The following ARHGAP35 variants were observed in gnomAD, a reference collection of about 807,000 sequenced individuals.
ARHGAP35 encodes Rho GTPase activating protein 35, also known as rho GTPase-activating protein 35.
ARHGAP35 carries 15 observed loss-of-function variants against 111.1 expected under a neutral mutation model. That is an observed-to-expected ratio of 0.13 (90% CI 0.09 to 0.21). ARHGAP35 has a LOEUF of 0.21. Ranked by LOEUF, ARHGAP35 falls within the 10% of genes least tolerant of loss-of-function variation. The pLI, the probability that ARHGAP35 is intolerant of heterozygous loss-of-function variation, is 1.00. For synonymous variants in ARHGAP35, 643 were observed against 710.3 expected (o/e 0.91, Z 1.51); for missense variants, 1,262 against 1,873.0 (o/e 0.67, Z 6.02).
At chr19:46,906,169 A>C (rs2056106731) in intron 1 of ARHGAP35, among the ~76,000 whole-genome samples, 1 of 151,810 alleles carries the variant, frequency 6.6e-6, no homozygotes, top group Non-Finnish European at 1.5e-5. Context: ...ATAAAAATTA[A>C]AAAAATTAGG....
chr19:46,977,063 C>A (rs1291629528), intron 3 of ARHGAP35, among the ~76,000 whole-genome samples: 1 of 152,224 alleles, frequency 6.6e-6, no homozygotes, highest in Non-Finnish European at 1.5e-5. Context: ...ACATCTAAGA[C>A]CCGCATAAGG....
At position 46,999,332 on chromosome 19, in the gene ARHGAP35, T is replaced by C. The variant is rs1306125756; in HGVS notation, c.4065T>C (p.His1355=). ...HKINDREQKL[H]ALKEVLKKFP... is the part of the protein sequence containing the mutation. ...TCAACGACCGGGAGCAGAAGTTGCATGCCCTTAAGGAGGTATTAAAGAAAT... is the reference window on the plus strand; with the variant it reads ...TCAACGACCGGGAGCAGAAGTTGCACGCCCTTAAGGAGGTATTAAAGAAAT... Residue 1355 remains histidine, a synonymous_variant, in exon 6 of 7, where the codon CAT becomes CAC. Coordinates refer to ENST00000672722, the MANE Select transcript of ARHGAP35 (RefSeq NM_004491.5). This position sits in a 1 kb window ranked among gnomAD's most constrained non-coding sequence, Gnocchi z 5.4. 2 of 1,593,132 alleles carry C rather than the reference T, an allele frequency of 1.3e-6. No individual in the cohort carries two copies. Among genetic ancestry groups the C allele is most frequent in the African/African-American group, 2.7e-5 (2 of 74,548 alleles).
At chr19:46,890,161 C>T (rs973633066) in intron 1 of ARHGAP35, among the ~76,000 whole-genome samples, 1 of 152,288 alleles carries the variant, frequency 6.6e-6, no homozygotes, top group Non-Finnish European at 1.5e-5. Flanking sequence ...CTTTACTGTT[C>T]TAGATTGAGA....
At chr19:46,881,528 C>A (rs1460658958) in intron 1 of ARHGAP35, among the ~76,000 whole-genome samples, 1 of 152,054 alleles carries the variant, frequency 6.6e-6, no homozygotes, top group Non-Finnish European at 1.5e-5. Context: ...TGAGAAGAAT[C>A]TTTTTTTGCA....
At chr19:46,967,531 T>A (rs966612623) in intron 3 of ARHGAP35, among the ~76,000 whole-genome samples, 9 of 152,188 alleles carry the variant, frequency 5.9e-5, no homozygotes, top group African/African-American at 1.9e-4. Context: ...CCTTCCTGTT[T>A]CTGGTCTCAT....
Position 46,922,180 on chromosome 19 carries a change from G to A in ARHGAP35, c.3505G>A (p.Ala1169Thr), listed in dbSNP as rs1158581968. Residue 1169 changes from alanine (A) to threonine (T), a missense_variant, in exon 2 of 7, where the codon GCT (alanine) becomes ACT (threonine). Physicochemically the swap from Ala to Thr is moderately conservative, Grantham distance 58. Transcript: ENST00000672722. This position sits in a 1 kb window ranked among gnomAD's most constrained non-coding sequence, Gnocchi z 4.0. The part of the protein sequence containing the change: ...RTRCTRLGRF[A>T]SYRTSFSVGS... ...GAGATGCACCCGGCTGGGGCGGTTT[G>A]CTAGTTACCGGACCAGCTTCAGCGT... is the stretch of plus-strand genomic sequence containing the variant. The A allele has an allele frequency of 1.9e-6, 3 of 1,614,024 alleles. No individual in the cohort carries two copies. Among genetic ancestry groups the A allele is most frequent in the Non-Finnish European group, 1.7e-6 (2 of 1,179,902 alleles).
chr19:46,991,614 C>T (rs1434578026), intron 5 of ARHGAP35, among the ~76,000 whole-genome samples: 1 of 152,210 alleles, frequency 6.6e-6, no homozygotes, highest in African/African-American at 2.4e-5. Flanking sequence ...TCAGCGGGGG[C>T]TCCGTTGTCT....
intron 1 of ARHGAP35, among the ~76,000 whole-genome samples, chr19:46,878,431 C>T (rs967033667): frequency 3.3e-5 from 5 of 152,058 alleles, no homozygotes; most frequent in African/African-American, 1.2e-4. Context: ...ATTCTTGTGC[C>T]TCAACCTCTG....
chr19:46,934,699 G>A (rs311377), intron 2 of ARHGAP35, among the ~76,000 whole-genome samples: 1 of 151,012 alleles, frequency 6.6e-6, no homozygotes, highest in Admixed American at 6.6e-5. Context: ...AGACGGGGTC[G>A]CACTTTGTCA....
In ARHGAP35 at chr19:46,989,394, G is replaced by A. The variant is rs1568488905; in HGVS notation, c.3905-150G>A. The A allele has an allele frequency of 1.9e-5, 19 of 997,068 alleles. No individual in the cohort carries two copies. Among genetic ancestry groups the A allele is most frequent in the African/African-American group, 3.3e-5 (2 of 61,270 alleles). The allele number at this position is 997,068 out of a possible 1,614,324, so 61.8% of individuals were successfully genotyped here. A position where few individuals can be genotyped will look rare whatever the true frequency, so the allele number is the denominator to read the frequency against. On this transcript the variant is annotated intron_variant, in intron 4 of 6. Transcript: ENST00000672722. This position sits in a 1 kb window ranked among gnomAD's most constrained non-coding sequence, Gnocchi z 5.3. ...CCTGAACCTCAGAACTCGCGTTAGCGCTCACAAGTCCCACCCCTCCAATCC... is the reference window on the plus strand; with the variant it reads ...CCTGAACCTCAGAACTCGCGTTAGCACTCACAAGTCCCACCCCTCCAATCC...
chr19:46,999,462 G>A lies in ARHGAP35; in HGVS notation c.4142+53G>A. 8.4e-7 allele frequency: 1 copy of A among 1,191,032 alleles called. No homozygotes were observed. The highest frequency in any genetic ancestry group is 1.3e-5 in the South Asian group (1 of 75,700). 73.8% of individuals were successfully genotyped at this position (1,191,032 alleles called of 1,614,324 possible). On this transcript the variant is annotated intron_variant, in intron 6 of 6. Transcript: ENST00000672722. The surrounding 1 kb of genome is among the most constrained non-coding windows in gnomAD (Gnocchi z 5.4). ...TTTCCTCCTGAAAATTGACAGCCAGGGTCAGTGTGTCGCAGAACAAGGCTC... is the reference window on the plus strand; with the variant it reads ...TTTCCTCCTGAAAATTGACAGCCAGAGTCAGTGTGTCGCAGAACAAGGCTC...
rs1361396436 is a variant in ARHGAP35, at chr19:46,993,475, C to T, written c.4036+3800C>T. 6.6e-6 allele frequency among the ~76,000 whole-genome samples: 1 copy of T among 152,196 alleles called. No individual in the cohort carries two copies. The highest frequency in any genetic ancestry group is 1.5e-5 in the Non-Finnish European group (1 of 68,048). ...TGTTCTTTGGGAACAGGGTCTCTGC[C>T]GCCACTTTGTTTGACCTTGGACCGG... On this transcript the variant is annotated intron_variant, in intron 5 of 6. Coordinates refer to ENST00000672722, the MANE Select transcript of ARHGAP35 (RefSeq NM_004491.5). The surrounding 1 kb of genome is among the most constrained non-coding windows in gnomAD (Gnocchi z 4.6).
rs1001435937 is a variant in ARHGAP35, at chr19:46,992,991, G to T, written c.4036+3316G>T. 6.6e-6 allele frequency among the ~76,000 whole-genome samples: 1 copy of T among 152,200 alleles called. No individual in the cohort carries two copies. The highest frequency in any genetic ancestry group is 1.5e-5 in the Non-Finnish European group (1 of 68,044). On this transcript the variant is annotated intron_variant, in intron 5 of 6. Transcript: ENST00000672722. The surrounding 1 kb of genome is among the most constrained non-coding windows in gnomAD (Gnocchi z 4.4). ...TGTCCACATAGCTGCCCGAGGGCACGGGGGTGCTTCTCACACCCACGTACG... is the reference window on the plus strand; with the variant it reads ...TGTCCACATAGCTGCCCGAGGGCACTGGGGTGCTTCTCACACCCACGTACG...
chr19:46,908,387 C>G lies in ARHGAP35; in HGVS notation c.-188-10101C>G, dbSNP rs2056121650. ...TGGTAATGGTAATTATGCTGTGATACCTAGGCTTATTGGAGTGCCTCCAAT... is the reference window on the plus strand; with the variant it reads ...TGGTAATGGTAATTATGCTGTGATAGCTAGGCTTATTGGAGTGCCTCCAAT... On this transcript the variant is annotated intron_variant, in intron 1 of 6. Coordinates refer to ENST00000672722, the MANE Select transcript of ARHGAP35 (RefSeq NM_004491.5). The surrounding 1 kb of genome is among the most constrained non-coding windows in gnomAD (Gnocchi z 4.2). 6.6e-6 allele frequency among the ~76,000 whole-genome samples: 1 copy of G among 152,070 alleles called. No individual in the cohort carries two copies. Among genetic ancestry groups the G allele is most frequent in the African/African-American group, 2.4e-5 (1 of 41,390 alleles).
intron 2 of ARHGAP35, among the ~76,000 whole-genome samples, chr19:46,923,307 G>A (rs539305123): frequency 2.2e-4 from 34 of 151,970 alleles, no homozygotes; most frequent in African/African-American, 7.7e-4. Flanking sequence ...GTAGAGACGG[G>A]GTTTCACCGT....
chr19:46,873,121 T>C (rs2055896625), intron 1 of ARHGAP35, among the ~76,000 whole-genome samples: 1 of 152,080 alleles, frequency 6.6e-6, no homozygotes, highest in Admixed American at 6.6e-5. Flanking sequence ...TCTGTTGACT[T>C]CTCTGGCCGA....
intron 3 of ARHGAP35, among the ~76,000 whole-genome samples, chr19:46,952,929 T>G (rs2056420706): frequency 6.6e-6 from 1 of 152,126 alleles, no homozygotes; most frequent in Admixed American, 6.5e-5. Context: ...CTGCCCACCT[T>G]GAGTGATCCC....
rs1374216774 is a variant in ARHGAP35 at position 46,863,819 on chromosome 19, C to T, written c.-189+2610C>T. On this transcript the variant is annotated intron_variant, in intron 1 of 6. Transcript: ENST00000672722. ...GCCTTCCCTAATGGCCTCTGGTTTG[C>T]AGTGTGACCTTGTGGGAGGGGATGG... Among the ~76,000 whole-genome samples the T allele has an allele frequency of 4.6e-5, 7 of 152,190 alleles. No individual in the cohort carries two copies. The East Asian group carries it at 7.7e-4, about 17-fold the overall frequency.
chr19:46,889,653 T>G (rs1303507720), intron 1 of ARHGAP35, among the ~76,000 whole-genome samples: 8 of 143,452 alleles, frequency 5.6e-5, no homozygotes. Flanking sequence ...CTCAACCACA[T>G]GAATCAGGAA....
Sources: gnomAD v4.1 joint callset for allele counts (sites outside exome capture counted in the v4.1 genomes callset) on GRCh38, gnomAD v4.1.1 for gene constraint, Gnocchi (gnomAD v3.1) non-coding constraint, MANE v1.5 for transcripts, NCBI Gene and HGNC (gene_info 2026-07-23, HGNC 2026-07-21) for gene names.